The following OR51B5 variants were observed in gnomAD, a reference collection of about 807,000 sequenced individuals.
OR51B5 encodes olfactory receptor family 51 subfamily B member 5.
For synonymous variants in OR51B5, 186 were observed against 144.8 expected (o/e 1.28, Z -2.04); for missense variants, 456 against 374.6 (o/e 1.22, Z -1.79).
intron 1 of OR51B5, chr11:5,453,573 G>C (rs1482444871): frequency 1.2e-6 from 2 of 1,612,370 alleles, no homozygotes; most frequent in Non-Finnish European, 1.7e-6. Flanking sequence ...CTGGCTGTCA[G>C]GGCCCCTCTG....
intron 1 of OR51B5, chr11:5,440,720 G>A (rs1210254994): frequency 1.9e-6 from 3 of 1,613,984 alleles, no homozygotes. Flanking sequence ...TTTTCCAGAA[G>A]CGGTGAATCA....
intron 1 of OR51B5, among the ~76,000 whole-genome samples, chr11:5,465,077 G>A (rs1359191910): frequency 4.0e-5 from 6 of 150,614 alleles, no homozygotes; most frequent in Admixed American, 1.3e-4. Flanking sequence ...GTAGTGGCGG[G>A]CGCCTGTAGT....
chr11:5,460,623 G>A (rs1283909433), intron 1 of OR51B5, among the ~76,000 whole-genome samples: 1 of 152,144 alleles, frequency 6.6e-6, no homozygotes, highest in Non-Finnish European at 1.5e-5. Flanking sequence ...TGGGGGAGCT[G>A]GTTCAGTCAC....
intron 1 of OR51B5, among the ~76,000 whole-genome samples, chr11:5,398,108 G>T (rs531243156): frequency 4.2e-4 from 64 of 152,280 alleles, no homozygotes; most frequent in South Asian, 1.7e-3. Flanking sequence ...GTTAAATGGT[G>T]AGTTAATGGG....
At chr11:5,498,782 G>A (rs929847251) in intron 1 of OR51B5, among the ~76,000 whole-genome samples, 1 of 152,186 alleles carries the variant, frequency 6.6e-6, no homozygotes, top group African/African-American at 2.4e-5. Context: ...CCAGGTAACA[G>A]ATTTAATAGA....
upstream of OR51B5, chr11:5,343,565 T>C: frequency 2.9e-6 from 2 of 685,418 alleles, no homozygotes; most frequent in South Asian, 3.6e-5. Context: ...GTTTCTGTTA[T>C]TACCACAGTG....
chr11:5,341,543 T>A (rs1848892906), downstream of OR51B5, among the ~76,000 whole-genome samples: 1 of 152,144 alleles, frequency 6.6e-6, no homozygotes, highest in Admixed American at 6.5e-5. Flanking sequence ...ACCTCCCTCT[T>A]TTTAGGATAT....
intron 1 of OR51B5, among the ~76,000 whole-genome samples, chr11:5,448,810 T>A (rs2133782396): frequency 6.6e-6 from 1 of 152,340 alleles, no homozygotes; most frequent in East Asian, 1.9e-4. Flanking sequence ...AGAAAGGATG[T>A]AGCTCTGAAT....
chr11:5,370,209 C>A (rs182606179), intron 1 of OR51B5, among the ~76,000 whole-genome samples: 4 of 152,156 alleles, frequency 2.6e-5, no homozygotes, highest in Non-Finnish European at 5.9e-5. Context: ...TTATCATTAA[C>A]AGTCACAGTC....
At chr11:5,467,621 G>A (rs1851156328) in intron 1 of OR51B5, among the ~76,000 whole-genome samples, 1 of 152,124 alleles carries the variant, frequency 6.6e-6, no homozygotes, top group Admixed American at 6.5e-5. Context: ...TTCTTGGCAT[G>A]GTTTTTCAGA....
At chr11:5,415,580 A>C (rs1256913636) in intron 1 of OR51B5, among the ~76,000 whole-genome samples, 1 of 152,208 alleles carries the variant, frequency 6.6e-6, no homozygotes, top group Non-Finnish European at 1.5e-5. Flanking sequence ...GCAATGAAAA[A>C]TGATAAAGGG....
At chr11:5,353,736 T>C (rs2133690245) in intron 1 of OR51B5, among the ~76,000 whole-genome samples, 1 of 152,352 alleles carries the variant, frequency 6.6e-6, no homozygotes, top group East Asian at 1.9e-4. Context: ...CAGTGACCAG[T>C]CAGCTGGATG....
chr11:5,422,555 G>T, intron 1 of OR51B5: 1 of 1,614,006 alleles, frequency 6.2e-7, no homozygotes, highest in South Asian at 1.1e-5. Context: ...TGTCCTCCTG[G>T]CTATGTCCGT....
chr11:5,358,621 G>A (rs887580611), intron 1 of OR51B5, among the ~76,000 whole-genome samples: 12 of 152,012 alleles, frequency 7.9e-5, no homozygotes, highest in African/African-American at 2.9e-4. Context: ...GTAAAAGAGG[G>A]AATCCTCCCT....
chr11:5,374,993 A>G lies in OR51B5; in HGVS notation n.85-28083T>C, dbSNP rs551280035. Among the ~76,000 whole-genome samples, 118 of 151,764 alleles carry G rather than the reference A, an allele frequency of 7.8e-4. No homozygotes were observed. The East Asian group carries it at 0.015, about 19-fold the overall frequency. On this transcript the variant is annotated intron_variant and non_coding_transcript_variant, in intron 1 of 4. Transcript: ENST00000415970. ...AGGAAATACAGAGAACGCCACAAACATACTCCTCGAGAAGAGCAACTCCAA... is the reference window on the plus strand; with the variant it reads ...AGGAAATACAGAGAACGCCACAAACGTACTCCTCGAGAAGAGCAACTCCAA...
At chr11:5,345,274 A>C (rs552005627), upstream of OR51B5, among the ~76,000 whole-genome samples, 3 of 151,852 alleles carry the variant, frequency 2.0e-5, no homozygotes, top group Admixed American at 6.5e-5. Flanking sequence ...AGACTAAGCA[A>C]GAGACAAGAA....
intron 1 of OR51B5, chr11:5,352,092 C>G (rs748417226): frequency 6.2e-7 from 1 of 1,614,156 alleles, no homozygotes; most frequent in Non-Finnish European, 8.5e-7. Context: ...TCAACCGTCT[C>G]TATCCAGTTG....
At chr11:5,354,383 A>T (rs1849154416) in intron 1 of OR51B5, among the ~76,000 whole-genome samples, 1 of 152,216 alleles carries the variant, frequency 6.6e-6, no homozygotes, top group Admixed American at 6.5e-5. Context: ...TAAATTCTGT[A>T]AATGGACACA....
At chr11:5,356,780 A>C (rs192588605) in intron 1 of OR51B5, among the ~76,000 whole-genome samples, 1 of 103,970 alleles carries the variant, frequency 9.6e-6, no homozygotes, top group Non-Finnish European at 2.2e-5. Context: ...CAGATCTCTC[A>C]GCAGAAACTC....
Sources: gnomAD v4.1 joint callset for allele counts (sites outside exome capture counted in the v4.1 genomes callset) on GRCh38, gnomAD v4.1.1 for gene constraint, MANE v1.5 for transcripts, NCBI Gene and HGNC (gene_info 2026-07-23, HGNC 2026-07-21) for gene names.